Variants in ECE2 observed in about 807,000 individuals in gnomAD.
ECE2 encodes endothelin converting enzyme 2.
In ECE2, 81 loss-of-function variants were observed where a neutral mutation model predicts 100.6. The ratio of observed to expected loss-of-function variants is 0.81; its 90% confidence interval spans 0.67 to 0.97. The LOEUF (loss-of-function observed/expected upper bound fraction) is 0.97, where lower values mean the gene tolerates loss of function less well. Among genes scored for constraint, ECE2 ranks in the 50% least tolerant of loss-of-function variants. ECE2 has a pLI of 0.00. For synonymous variants in ECE2, 391 were observed against 391.5 expected, an observed-to-expected ratio of 1.00 and a Z score of 0.02; for missense variants, 911 against 988.1, an observed-to-expected ratio of 0.92 and a Z score of 1.05.
Position 184,289,347 on chromosome 3 carries a change from G to A in ECE2, c.1375-90G>A. 1.7e-6 allele frequency: 2 copies of A among 1,206,686 alleles called. No homozygotes were observed. The highest frequency in any genetic ancestry group is 2.6e-5 in the South Asian group (2 of 76,536). The allele number at this position is 1,206,686 out of a possible 1,614,324, so 74.7% of individuals were successfully genotyped here. A position where few individuals can be genotyped will look rare whatever the true frequency, so the allele number is the denominator to read the frequency against. ...AGTCTAGACGTTCCCATTTCCCCTG[G>A]GTGGACAGGGATGGGGCACCAAGGG... On this transcript the variant is annotated intron_variant, in intron 11 of 18. Coordinates refer to ENST00000404464, the MANE Select transcript of ECE2 (RefSeq NM_001100121.2). The surrounding 1 kb of genome is among the most constrained non-coding windows in gnomAD (Gnocchi z 4.1).
rs1721340342 is a variant in ECE2, at chr3:184,291,870, G to A, written c.2122-192G>A. ...AGCCTCCGCTGGGCAGCCACAGCAGGCAGCTTCTGGGGCTCCGCTTTTTCC... is the reference window on the plus strand; with the variant it reads ...AGCCTCCGCTGGGCAGCCACAGCAGACAGCTTCTGGGGCTCCGCTTTTTCC... On this transcript the variant is annotated intron_variant, in intron 18 of 18. Coordinates refer to ENST00000404464, the MANE Select transcript of ECE2 (RefSeq NM_001100121.2). The surrounding 1 kb of genome is among the most constrained non-coding windows in gnomAD (Gnocchi z 4.1). 3 of 620,400 alleles carry A rather than the reference G, an allele frequency of 4.8e-6. No homozygotes were observed. The highest frequency in any genetic ancestry group is 8.2e-6 in the Non-Finnish European group (3 of 364,018). The allele number at this position is 620,400 out of a possible 1,614,324, so 38.4% of individuals were successfully genotyped here.
Position 184,276,197 on chromosome 3 carries a change from G to T in ECE2, c.39+5G>T. The T allele has an allele frequency of 6.9e-7, 1 of 1,447,524 alleles. No homozygotes were observed. Among genetic ancestry groups the T allele is most frequent in the South Asian group, 1.4e-5 (1 of 71,880 alleles). 89.7% of individuals were successfully genotyped at this position (1,447,524 alleles called of 1,614,324 possible). ...GAGCTGGGAGCTGGCAGCAACGTGA[G>T]TGGGGGCCCCGGGCTCCACGGGAGG... is the stretch of plus-strand genomic sequence containing the variant. On this transcript the variant is annotated splice_donor_5th_base_variant and intron_variant, in intron 1 of 18. Coordinates refer to ENST00000404464, the MANE Select transcript of ECE2 (RefSeq NM_001100121.2).
intron 11 of ECE2, among the ~76,000 whole-genome samples, chr3:184,288,357 G>A (rs1721163504): frequency 6.6e-6 from 1 of 150,662 alleles, no homozygotes; most frequent in African/African-American, 2.4e-5. Flanking sequence ...ACAACTGGAT[G>A]TAAATTGATG....
rs374794323 is a variant in ECE2 at position 184,291,170 on chromosome 3, C to T, written c.1965C>T (p.Asn655=). The part of the protein sequence containing the change: ...NQYQVNGERL[N]GRQTLGENIA... Reference sequence around the variant, plus strand: ...ACCAGGTCAATGGGGAGAGGCTCAACGGCCGCCAGACGCTGGGGGAGAACA... The same window carrying T: ...ACCAGGTCAATGGGGAGAGGCTCAATGGCCGCCAGACGCTGGGGGAGAACA... The change falls in exon 17 of 19, where the codon AAC becomes AAT. Residue 655 remains asparagine, a synonymous_variant. Coordinates refer to ENST00000404464, the MANE Select transcript of ECE2 (RefSeq NM_001100121.2). The surrounding 1 kb of genome is among the most constrained non-coding windows in gnomAD (Gnocchi z 4.1). The T allele has an allele frequency of 3.1e-5, 50 of 1,613,714 alleles. No homozygotes were observed. Among genetic ancestry groups the T allele is most frequent in the Non-Finnish European group, 4.0e-5 (47 of 1,179,914 alleles).
intron 7 of ECE2, among the ~76,000 whole-genome samples, chr3:184,281,046 G>A (rs1366048867): frequency 6.6e-6 from 1 of 152,056 alleles, no homozygotes; most frequent in African/African-American, 2.4e-5. Context: ...TGAGACAGGA[G>A]GAGGACAGAG....
At position 184,287,962 on chromosome 3, in the gene ECE2, T is replaced by G; in HGVS notation, c.1374+15T>G. On this transcript the variant is annotated intron_variant, in intron 11 of 18. Coordinates refer to ENST00000404464, the MANE Select transcript of ECE2 (RefSeq NM_001100121.2). The stretch of plus-strand genomic sequence containing the variant: ...GCAAAGAAATTGTGAGTCTACAAGA[T>G]TCTTTCAACACTATGCCCTCAAAAT... 1 of 1,608,994 alleles carries G rather than the reference T, an allele frequency of 6.2e-7. No individual in the cohort carries two copies. Among genetic ancestry groups the G allele is most frequent in the Non-Finnish European group, 8.5e-7 (1 of 1,175,506 alleles).
rs375640000 is a variant in ECE2, at chr3:184,282,077, C to T, written c.817-1708C>T. ...TCACACACCTGCACTTCAGCCTGGG[C>T]GACAGAGGGAGACGCCATCTCAAAC... On this transcript the variant is annotated intron_variant, in intron 7 of 18. Transcript: ENST00000404464. 8.9e-4 allele frequency among the ~76,000 whole-genome samples: 136 copies of T among 152,242 alleles called. 1 individual carries two copies. The highest frequency in any genetic ancestry group is 3.2e-3 in the African/African-American group (133 of 41,526).
Position 184,278,233 on chromosome 3 carries a change from G to A in ECE2, c.670G>A (p.Ala224Thr). Residue 224 changes from alanine (A) to threonine (T), a missense_variant, in exon 6 of 19, where the codon GCA becomes ACA. Transcript: ENST00000404464. Reference sequence around the variant, plus strand: ...CTTTATGGAGGTGTTGAAGGCAGTAGCAGGGACCTACAGGGCCACCCCATT... The same window carrying A: ...CTTTATGGAGGTGTTGAAGGCAGTAACAGGGACCTACAGGGCCACCCCATT... ...DNFMEVLKAV[A>T]GTYRATPFFT... 1 of 1,614,188 alleles carries A rather than the reference G, an allele frequency of 6.2e-7. No homozygotes were observed.
Position 184,289,559 on chromosome 3 carries a change from C to T in ECE2, c.1473+24C>T, listed in dbSNP as rs749290261. On this transcript the variant is annotated intron_variant, in intron 12 of 18. Coordinates refer to ENST00000404464, the MANE Select transcript of ECE2 (RefSeq NM_001100121.2). This position sits in a 1 kb window ranked among gnomAD's most constrained non-coding sequence, Gnocchi z 4.1. ...AAGTGAGCGGTGGCTAGGGTTGGGG[C>T]GCCATCTTGAGGTGGGGTTCAAGGA... The T allele has an allele frequency of 1.1e-5, 17 of 1,613,352 alleles. No homozygotes were observed. The highest frequency in any genetic ancestry group is 3.3e-5 in the South Asian group (3 of 91,020).
chr3:184,284,591 C>T (rs186331991), intron 8 of ECE2, among the ~76,000 whole-genome samples: 3 of 151,632 alleles, frequency 2.0e-5, no homozygotes, highest in South Asian at 4.2e-4. Context: ...CTGGGGGACC[C>T]GTACTGTGCC....
At chr3:184,277,118 C>A (rs1560180497) in intron 3 of ECE2, 91 bp downstream of exon 3, 2 of 1,600,246 alleles carry the variant, frequency 1.2e-6, no homozygotes, top group Non-Finnish European at 1.7e-6. Context: ...GGAACCAAGC[C>A]TTCCCTGCAG....
Position 184,276,192 on chromosome 3 carries a change from C to A in ECE2, c.39C>A (p.Asn13Lys), listed in dbSNP as rs759733070. Residue 13 changes from asparagine (N) to lysine (K), a missense_variant and splice_region_variant, in exon 1 of 19, where the codon AAC becomes AAA. Asn to Lys is a moderately conservative substitution (Grantham distance 94, BLOSUM62 0). Transcript: ENST00000404464. ...VALQELGAGS[N>K]MVEYKRATLR... ...TGCAGGAGCTGGGAGCTGGCAGCAA[C>A]GTGAGTGGGGGCCCCGGGCTCCACG... is the stretch of plus-strand genomic sequence containing the variant. The A allele has an allele frequency of 6.9e-7, 1 of 1,446,674 alleles. No individual in the cohort carries two copies. The highest frequency in any genetic ancestry group is 9.0e-7 in the Non-Finnish European group (1 of 1,105,668). The allele number at this position is 1,446,674 out of a possible 1,614,324, so 89.6% of individuals were successfully genotyped here. A position where few individuals can be genotyped will look rare whatever the true frequency, so the allele number is the denominator to read the frequency against.
chr3:184,277,139 G>C (rs79792260), intron 3 of ECE2, 112 bp downstream of exon 3: 1 of 1,599,696 alleles, frequency 6.3e-7, no homozygotes, highest in Admixed American at 1.7e-5. Flanking sequence ...AAAAGCCCCC[G>C]GCTTTGCTTT....
intron 16 of ECE2, 74 bp from the exon 17 acceptor site, chr3:184,290,966 G>C: frequency 6.3e-7 from 1 of 1,578,026 alleles, no homozygotes; most frequent in East Asian, 2.2e-5. Context: ...TGTGGACCAG[G>C]GCTGGTGGGG....
At chr3:184,288,648 C>G (rs868351882) in intron 11 of ECE2, among the ~76,000 whole-genome samples, 1 of 152,044 alleles carries the variant, frequency 6.6e-6, no homozygotes, top group Admixed American at 6.6e-5. Context: ...GCTGATATAT[C>G]TTTCAGCAAA....
chr3:184,276,403 C>A, intron 1 of ECE2, 78 bp from the exon 2 acceptor site: 2 of 1,531,210 alleles, frequency 1.3e-6, no homozygotes, highest in South Asian at 1.2e-5. Context: ...GTCCGCGAGG[C>A]AGGGAGCACT....
At chr3:184,276,660 C>A in intron 2 of ECE2, 93 bp downstream of exon 2, 1 of 1,568,024 alleles carries the variant, frequency 6.4e-7, no homozygotes, top group Non-Finnish European at 8.6e-7. Flanking sequence ...GGAGGGTCAC[C>A]TGCCCCCACC....
intron 10 of ECE2, among the ~76,000 whole-genome samples, chr3:184,286,821 T>C (rs1721079153): frequency 7.3e-6 from 1 of 137,210 alleles, no homozygotes; most frequent in South Asian, 2.3e-4. Context: ...AAAAAGGCAA[T>C]TGCAGACTGA....
rs1312291530 is a variant in ECE2 at position 184,285,067 on chromosome 3, G to A, written c.1110G>A (p.Leu370=). The A allele has an allele frequency of 1.2e-6, 2 of 1,614,202 alleles. No individual in the cohort carries two copies. Among genetic ancestry groups the A allele is most frequent in the Admixed American group, 3.3e-5 (2 of 60,018 alleles). ...EPVVVYGMDY[L]QQVSELINRT... is the part of the protein sequence containing the mutation. The stretch of plus-strand genomic sequence containing the variant: ...TGGTGGTGTATGGGATGGATTATTT[G>A]CAGCAGGTGTCAGAGCTCATCAACC... Residue 370 remains leucine (L), a synonymous_variant, in exon 9 of 19, where the codon TTG becomes TTA. Transcript: ENST00000404464.
Sources: allele counts gnomAD v4.1 joint callset (sites outside exome capture counted in the v4.1 genomes callset), GRCh38; gene constraint gnomAD v4.1.1; non-coding constraint Gnocchi (gnomAD v3.1); transcripts MANE v1.5; gene names NCBI Gene and HGNC (gene_info 2026-07-23, HGNC 2026-07-21).